The following PPM1A variants were observed in gnomAD, a reference collection of about 807,000 sequenced individuals.
PPM1A encodes protein phosphatase 1A.
PPM1A carries 7 observed loss-of-function variants against 35.0 expected under a neutral mutation model. The ratio of observed to expected loss-of-function variants is 0.20; its 90% CI spans 0.11 to 0.38. The LOEUF is 0.38. PPM1A is among the 10% of genes least tolerant of loss of function. PPM1A has a pLI of 1.00. For synonymous variants in PPM1A, 153 were observed against 167.3 expected, an observed-to-expected ratio of 0.91 and a Z score of 0.66; for missense variants, 239 against 467.8, an observed-to-expected ratio of 0.51 and a Z score of 4.51.
chr14:60,277,642 C>G (rs904353417), intron 1 of PPM1A, among the ~76,000 whole-genome samples: 1 of 152,094 alleles, frequency 6.6e-6, no homozygotes, highest in Non-Finnish European at 1.5e-5. Flanking sequence ...AACTACTGTA[C>G]TTCTTTATAA....
At chr14:60,254,429 C>T (rs548146285) in intron 1 of PPM1A, among the ~76,000 whole-genome samples, 1 of 152,016 alleles carries the variant, frequency 6.6e-6, no homozygotes, top group South Asian at 2.1e-4. Flanking sequence ...AATGTTCAGG[C>T]TAGAATGATC....
intron 4 of PPM1A, among the ~76,000 whole-genome samples, chr14:60,291,132 C>CT (rs1338120544): frequency 6.6e-6 from 1 of 151,036 alleles, no homozygotes; most frequent in East Asian, 1.9e-4. Flanking sequence ...ACTATATAGA[C>CT]TTTTTTTTTA....
intron 1 of PPM1A, among the ~76,000 whole-genome samples, chr14:60,264,109 C>T (rs1212936715): frequency 6.6e-6 from 1 of 152,034 alleles, no homozygotes; most frequent in Non-Finnish European, 1.5e-5. Flanking sequence ...CTTTAGTAAT[C>T]CTTTTAGTAA....
Position 60,283,607 on chromosome 14 carries a change from A to T in PPM1A, c.834+70A>T. On this transcript the variant is annotated intron_variant, in intron 2 of 5. Coordinates refer to ENST00000395076, the MANE Select transcript of PPM1A (RefSeq NM_021003.5). This position sits in a 1 kb window ranked among gnomAD's most constrained non-coding sequence, Gnocchi z 6.3. ...TTAATCACTACTCTAGTATTTAATC[A>T]TCTTAGAATCTGTAATTCTGAAACC... The T allele has an allele frequency of 6.9e-7, 1 of 1,450,068 alleles. No homozygotes were observed. The highest frequency in any genetic ancestry group is 1.4e-5 in the South Asian group (1 of 72,202). The allele number at this position is 1,450,068 out of a possible 1,614,324, so 89.8% of individuals were successfully genotyped here.
chr14:60,287,174 A>G (rs1887107494), intron 3 of PPM1A: 1 of 937,560 alleles, frequency 1.1e-6, no homozygotes, highest in South Asian at 4.9e-5. Context: ...ATGAATTGCT[A>G]CTTTTCTCTT....
chr14:60,269,673 C>T (rs1019297263), intron 1 of PPM1A, among the ~76,000 whole-genome samples: 11 of 152,036 alleles, frequency 7.2e-5, no homozygotes, highest in East Asian at 5.8e-4. Context: ...CTCAACCTCC[C>T]GAGTAGCTGG....
At chr14:60,253,814 C>T (rs947099470) in intron 1 of PPM1A, among the ~76,000 whole-genome samples, 1 of 152,130 alleles carries the variant, frequency 6.6e-6, no homozygotes, top group Non-Finnish European at 1.5e-5. Context: ...GGAAATGTTT[C>T]TGAACAGATG....
chr14:60,255,640 G>C (rs993896070), intron 1 of PPM1A, among the ~76,000 whole-genome samples: 4 of 152,198 alleles, frequency 2.6e-5, no homozygotes. Flanking sequence ...TCTACCTGGA[G>C]TGAAAGTGAT....
rs1298432387 is a variant in PPM1A at position 60,283,893 on chromosome 14, T to C, written c.834+356T>C. ...TGAAAAGCATTTTAGAGTTTTAATA[T>C]TTGACCATGTGATATCTCAGTACAT... On this transcript the variant is annotated intron_variant, in intron 2 of 5. Transcript: ENST00000395076. The surrounding 1 kb of genome is among the most constrained non-coding windows in gnomAD (Gnocchi z 6.3). 6.6e-6 allele frequency among the ~76,000 whole-genome samples: 1 copy of C among 152,222 alleles called. No individual in the cohort carries two copies. The highest frequency in any genetic ancestry group is 1.9e-4 in the East Asian group (1 of 5,182).
At chr14:60,290,111 TG>T (rs1887476268) in intron 4 of PPM1A, among the ~76,000 whole-genome samples, 197 bp downstream of exon 4, 1 of 152,198 alleles carries the variant, frequency 6.6e-6, no homozygotes, top group Admixed American at 6.5e-5. Flanking sequence ...TGTAACTAAT[TG>T]CAGTGAGGGT....
intron 1 of PPM1A, among the ~76,000 whole-genome samples, chr14:60,262,240 T>C (rs1883826256): frequency 6.6e-6 from 1 of 152,234 alleles, no homozygotes; most frequent in Non-Finnish European, 1.5e-5. Context: ...TCCTGTTTTA[T>C]AGATGATCTG....
rs1566569593 is a variant in PPM1A, at chr14:60,255,167, T to TG, written c.-21+5490_-21+5491insG. Among the ~76,000 whole-genome samples, 209 of 107,230 alleles carry TG rather than the reference T, an allele frequency of 1.9e-3. 3 individuals carry two copies. Among genetic ancestry groups the TG allele is most frequent in the African/African-American group, 0.016 (198 of 12,116 alleles). The allele number at this position is 107,230 out of a possible 152,430, so 70.3% of individuals were successfully genotyped here. On this transcript the variant is annotated intron_variant, in intron 1 of 5. Transcript: ENST00000395076. ...TATTATTTCTATCATATGTTTTTTTTTTTTTTGTTTTGTTTTGTTTTTGAG... is the reference window on the plus strand; with the variant it reads ...TATTATTTCTATCATATGTTTTTTTTGTTTTTTGTTTTGTTTTGTTTTTGAG...
chr14:60,255,514 T>A (rs936115584), intron 1 of PPM1A, among the ~76,000 whole-genome samples: 1 of 152,230 alleles, frequency 6.6e-6, no homozygotes, highest in East Asian at 1.9e-4. Context: ...AAATTATAAT[T>A]GCATTCAGTT....
chr14:60,294,855 C>G lies in PPM1A; in HGVS notation c.*2373C>G, dbSNP rs997236219. 1 of 151,766 alleles carries G rather than the reference C, an allele frequency of 6.6e-6. No homozygotes were observed. The highest frequency in any genetic ancestry group is 2.4e-5 in the African/African-American group (1 of 41,370). 9.4% of individuals were successfully genotyped at this position (151,766 alleles called of 1,614,324 possible). A position where few individuals can be genotyped will look rare whatever the true frequency, so the allele number is the denominator to read the frequency against. On this transcript the variant is annotated 3_prime_UTR_variant, in exon 6 of 6. Transcript: ENST00000395076. ...TAAATCTTTTCCACATGAGTCAGCA[C>G]TGCCATACTAATAATTTTTTTACTA...
chr14:60,251,839 T>C (rs1210090858), intron 1 of PPM1A, among the ~76,000 whole-genome samples: 1 of 151,316 alleles, frequency 6.6e-6, no homozygotes, highest in Non-Finnish European at 1.5e-5. Context: ...GGGAAACTCT[T>C]GAGAGGAAGG....
In PPM1A at chr14:60,249,507, C is replaced by G; in HGVS notation, c.-191C>G. 6.1e-6 allele frequency: 6 copies of G among 985,182 alleles called. No homozygotes were observed. The highest frequency in any genetic ancestry group is 4.6e-5 in the South Asian group (1 of 21,692). The allele number at this position is 985,182 out of a possible 1,614,324, so 61.0% of individuals were successfully genotyped here. A position where few individuals can be genotyped will look rare whatever the true frequency, so the allele number is the denominator to read the frequency against. ...GGGCGCCGACAGCCGGGGGCCCGGA[C>G]GCAGCCCGGCTCCTCCCCTCCTCCG... On this transcript the variant is annotated 5_prime_UTR_variant, in exon 1 of 6. Transcript: ENST00000395076. The surrounding 1 kb of genome is among the most constrained non-coding windows in gnomAD (Gnocchi z 4.5).
chr14:60,247,848 C>T (rs962811663), upstream of PPM1A, among the ~76,000 whole-genome samples: 7 of 152,032 alleles, frequency 4.6e-5, no homozygotes, highest in African/African-American at 1.7e-4. Flanking sequence ...ATAGTGAGCT[C>T]CTCAAGTAAA....
chr14:60,249,675 CG>C lies in PPM1A; in HGVS notation c.-21+1del. ...GGGACCTGCCCGCCTGCGGCTGCTCCGGGTAAGTGCGGCGCTCGGGCCGACG... is the reference window on the plus strand; with the variant it reads ...GGGACCTGCCCGCCTGCGGCTGCTCCGGTAAGTGCGGCGCTCGGGCCGACG... On this transcript the variant is annotated splice_region_variant and 5_prime_UTR_variant, in exon 1 of 6. Coordinates refer to ENST00000395076, the MANE Select transcript of PPM1A (RefSeq NM_021003.5). The surrounding 1 kb of genome is among the most constrained non-coding windows in gnomAD (Gnocchi z 4.5). 5 of 983,784 alleles carry C rather than the reference CG, an allele frequency of 5.1e-6. No homozygotes were observed. Among genetic ancestry groups the C allele is most frequent in the Non-Finnish European group, 6.0e-6 (5 of 829,294 alleles). 60.9% of individuals were successfully genotyped at this position (983,784 alleles called of 1,614,324 possible).
intron 1 of PPM1A, among the ~76,000 whole-genome samples, chr14:60,252,185 T>A (rs901141744): frequency 6.6e-6 from 1 of 152,212 alleles, no homozygotes; most frequent in African/African-American, 2.4e-5. Flanking sequence ...TAACTGTGCG[T>A]GCATATTTGT....
Sources: gnomAD v4.1 joint callset for allele counts (sites outside exome capture counted in the v4.1 genomes callset) on GRCh38, gnomAD v4.1.1 for gene constraint, Gnocchi (gnomAD v3.1) non-coding constraint, MANE v1.5 for transcripts, NCBI Gene and HGNC (gene_info 2026-07-23, HGNC 2026-07-21) for gene names.